Variants in GPATCH2L observed in about 807,000 individuals in gnomAD.
The protein encoded by GPATCH2L is G-patch domain containing 2 like.
A neutral mutation model predicts 57.4 loss-of-function variants in GPATCH2L; 31 were observed. The observed-to-expected ratio is 0.54, with a 90% CI of 0.41 to 0.73. The LOEUF (loss-of-function observed/expected upper bound fraction) is 0.73. GPATCH2L is among the 30% of genes least tolerant of loss of function. GPATCH2L has a pLI of 0.00. For synonymous variants in GPATCH2L, 199 were observed against 210.7 expected (o/e 0.94, Z 0.48); for missense variants, 481 against 599.9 (o/e 0.80, Z 2.07).
At chr14:76,189,572 A>G (rs2039889610) in intron 8 of GPATCH2L, among the ~76,000 whole-genome samples, 1 of 152,060 alleles carries the variant, frequency 6.6e-6, no homozygotes, top group African/African-American at 2.4e-5. Context: ...ACTTTACTGA[A>G]CTTGTTTATC....
chr14:76,219,026 A>G (rs2040502031), downstream of GPATCH2L, among the ~76,000 whole-genome samples: 1 of 151,016 alleles, frequency 6.6e-6, no homozygotes, highest in South Asian at 2.1e-4. Context: ...AAAAAAAGGA[A>G]AGTTATTTTA....
chr14:76,181,623 AAC>A (rs1172584592), intron 8 of GPATCH2L, among the ~76,000 whole-genome samples: 1 of 152,220 alleles, frequency 6.6e-6, no homozygotes, highest in Non-Finnish European at 1.5e-5. Flanking sequence ...CATAACACCT[AAC>A]ACAGTATCTG....
intron 3 of GPATCH2L, among the ~76,000 whole-genome samples, chr14:76,171,493 G>A (rs1360617513): frequency 6.6e-6 from 1 of 152,024 alleles, no homozygotes; most frequent in Non-Finnish European, 1.5e-5. Flanking sequence ...AGAGAGAATT[G>A]CTTGAACCCG....
chr14:76,194,484 A>AGTGTGTGTGTGTGTGTGTGTGTGT (rs59406744), intron 8 of GPATCH2L, among the ~76,000 whole-genome samples: 107 of 151,164 alleles, frequency 7.1e-4, no homozygotes, highest in African/African-American at 2.5e-3. Context: ...GAGACATGAA[A>AGTGTGTGTGTGTGTGTGTGTGTGT]GTGTGTGTGT....
intron 8 of GPATCH2L, among the ~76,000 whole-genome samples, chr14:76,182,648 T>C (rs2039620180): frequency 6.6e-6 from 1 of 150,414 alleles, no homozygotes; most frequent in Non-Finnish European, 1.5e-5. Context: ...AAACTATTAG[T>C]AGTAAGGCCT....
At chr14:76,229,950 C>T (rs1056688651) in exon 2 of GPATCH2L, 3 of 152,394 alleles carry the variant, frequency 2.0e-5, no homozygotes, top group Admixed American at 6.5e-5. Context: ...CAGCCTTTTC[C>T]CAGGTAAGTC....
rs1053078674 is a variant in GPATCH2L, at chr14:76,152,566, C to G, written c.-11+575C>G. The stretch of plus-strand genomic sequence containing the variant: ...CGTTCCTTCCTGTGCGTGACTCAGC[C>G]TCATCTCTGCCCGGGTGCGTGCCTG... On this transcript the variant is annotated intron_variant, in intron 1 of 9. Coordinates refer to ENST00000261530, the MANE Select transcript of GPATCH2L (RefSeq NM_017926.4). 7 of 438,000 alleles carry G rather than the reference C, an allele frequency of 1.6e-5. No individual in the cohort carries two copies. In the East Asian group the frequency reaches 2.1e-4, roughly 13 times the overall value. The allele number at this position is 438,000 out of a possible 1,614,324, so 27.1% of individuals were successfully genotyped here.
intron 2 of GPATCH2L, among the ~76,000 whole-genome samples, chr14:76,159,054 A>C (rs1321327886): frequency 1.3e-5 from 2 of 152,220 alleles, no homozygotes; most frequent in African/African-American, 4.8e-5. Context: ...TGTAAAAATG[A>C]AGTGAATTGT....
rs778915815 is a variant in GPATCH2L, at chr14:76,178,019, C to T, written c.1084C>T (p.His362Tyr). 2.5e-6 allele frequency: 4 copies of T among 1,607,118 alleles called. No homozygotes were observed. The highest frequency in any genetic ancestry group is 3.4e-6 in the Non-Finnish European group (4 of 1,174,168). ...KNKALASDFP[H>Y]ISACAHEFNP... Reference sequence around the variant, plus strand: ...TAAAGCGTTGGCTTCTGATTTTCCTCACATTTCTGCTTGTGCACATGAGGT... The same window carrying T: ...TAAAGCGTTGGCTTCTGATTTTCCTTACATTTCTGCTTGTGCACATGAGGT... Residue 362 changes from histidine to tyrosine, a missense_variant, in exon 7 of 10, where the codon CAC (histidine) becomes TAC (tyrosine). Physicochemically the swap from His to Tyr is moderately conservative, Grantham distance 83. This residue lies in a region of GPATCH2L where 248 missense variants were observed against 270.5 expected (regional missense o/e 0.92). Transcript: ENST00000261530.
Position 76,213,437 on chromosome 14 carries a change from C to T in GPATCH2L, c.*11586C>T, listed in dbSNP as rs1245789227. On this transcript the variant is annotated 3_prime_UTR_variant, in exon 10 of 10. Coordinates refer to ENST00000261530, the MANE Select transcript of GPATCH2L (RefSeq NM_017926.4). ...AATACTTTTAAAGACCCAATGAAAA[C>T]AAAGAAATGCATTTGGAGAATTAAC... 6.6e-6 allele frequency: 1 copy of T among 152,054 alleles called. No individual in the cohort carries two copies. The allele number at this position is 152,054 out of a possible 1,614,324, so 9.4% of individuals were successfully genotyped here.
At chr14:76,192,002 T>A (rs2039984461) in intron 8 of GPATCH2L, among the ~76,000 whole-genome samples, 1 of 152,156 alleles carries the variant, frequency 6.6e-6, no homozygotes. Context: ...TCAACTTTTT[T>A]AAGCTTCCAC....
In GPATCH2L at chr14:76,199,664, GTGTTGGTGCAGA is replaced by G. The variant is rs565777908; in HGVS notation, c.1289-2023_1289-2012del. Among the ~76,000 whole-genome samples the G allele has an allele frequency of 3.9e-4, 59 of 152,238 alleles. No individual in the cohort carries two copies. The East Asian group carries it at 0.01, about 27-fold the overall frequency. On this transcript the variant is annotated intron_variant, in intron 9 of 9. Transcript: ENST00000261530. ...TATATCAAAAAACAGAGAACATCAGGTGTTGGTGCAGATGTGGAGAAATTGGAACCCTTGTGT... is the reference window on the plus strand; with the variant it reads ...TATATCAAAAAACAGAGAACATCAGGTGTGGAGAAATTGGAACCCTTGTGT...
intron 5 of GPATCH2L, chr14:76,176,419 A>T: frequency 1.8e-6 from 1 of 557,412 alleles, no homozygotes; most frequent in Non-Finnish European, 3.2e-6. Context: ...TCACTGGAGA[A>T]TAATAAATGT....
chr14:76,175,486 A>G (rs2039283184), intron 5 of GPATCH2L: 1 of 151,694 alleles, frequency 6.6e-6, no homozygotes, highest in Non-Finnish European at 1.5e-5. Flanking sequence ...ACTGCTTGTA[A>G]TTTACACAGT....
At chr14:76,178,667 C>G (rs1209657230) in intron 7 of GPATCH2L, 4 of 156,116 alleles carry the variant, frequency 2.6e-5, no homozygotes, top group Non-Finnish European at 5.7e-5. Flanking sequence ...CTCTCATGCT[C>G]GGTTCACAGT....
chr14:76,221,739 C>T (rs79879185), intron 1 of GPATCH2L, among the ~76,000 whole-genome samples: 3,378 of 152,140 alleles, frequency 0.022, 77 homozygotes, highest in South Asian at 0.078. Context: ...AAAAGGCTAC[C>T]TACAGTATGA....
At position 76,201,824 on chromosome 14, in the gene GPATCH2L, A is replaced by T. The variant is rs139831765; in HGVS notation, c.1422A>T (p.Pro474=). The change falls in exon 10 of 10, where the codon CCA becomes CCT. Residue 474 remains proline, a synonymous_variant. Transcript: ENST00000261530. ...DATTATFFKM[P]QEKSPGYS Reference sequence around the variant, plus strand: ...CTACTGCTACATTTTTTAAAATGCCACAAGAAAAGAGCCCTGGATACAGCT... The same window carrying T: ...CTACTGCTACATTTTTTAAAATGCCTCAAGAAAAGAGCCCTGGATACAGCT... The T allele has an allele frequency of 1.8e-3, 2,860 of 1,614,042 alleles. 5 individuals carry two copies. Among genetic ancestry groups the T allele is most frequent in the Non-Finnish European group, 2.2e-3 (2,598 of 1,179,934 alleles).
intron 8 of GPATCH2L, among the ~76,000 whole-genome samples, chr14:76,184,983 G>A (rs1476321245): frequency 6.6e-5 from 10 of 152,198 alleles, no homozygotes; most frequent in Non-Finnish European, 1.0e-4. Flanking sequence ...CATAATTGGT[G>A]CAAACTCTGT....
chr14:76,192,097 G>T (rs1178715494), intron 8 of GPATCH2L, among the ~76,000 whole-genome samples: 3 of 149,120 alleles, frequency 2.0e-5, no homozygotes, highest in Non-Finnish European at 3.0e-5. Context: ...CATCCATGTT[G>T]CTGTGAATGA....
Sources: gnomAD v4.1 joint callset for allele counts (sites outside exome capture counted in the v4.1 genomes callset) on GRCh38, gnomAD v4.1.1 for gene constraint, gnomAD v4.1.1 regional missense constraint, MANE v1.5 for transcripts, NCBI Gene and HGNC (gene_info 2026-07-23, HGNC 2026-07-21) for gene names.